C1orf21: variants seen among roughly 807,000 people sequenced by gnomAD.
C1orf21 encodes uncharacterized protein C1orf21.
C1orf21 carries 3 observed loss-of-function variants against 18.7 expected under a neutral mutation model. The ratio of observed to expected loss-of-function variants is 0.16; its 90% CI spans 0.07 to 0.42. The LOEUF is 0.42. C1orf21 is among the 10% of genes least tolerant of loss of function. C1orf21 has a pLI of 0.99. For missense variants in C1orf21, 104 were observed against 143.6 expected, an observed-to-expected ratio of 0.72 and a Z score of 1.41; for synonymous variants, 41 against 46.4, an observed-to-expected ratio of 0.88 and a Z score of 0.47.
intron 1 of C1orf21, among the ~76,000 whole-genome samples, chr1:184,417,860 T>C (rs990491698): frequency 3.3e-5 from 5 of 152,172 alleles, no homozygotes; most frequent in African/African-American, 1.2e-4. Flanking sequence ...ACATAATCAA[T>C]GTGTTGGGAT....
At chr1:184,611,528 G>A (rs1461533426) in intron 5 of C1orf21, among the ~76,000 whole-genome samples, 3 of 152,178 alleles carry the variant, frequency 2.0e-5, no homozygotes, top group East Asian at 1.9e-4. Flanking sequence ...GCTGCAGAAC[G>A]TGGTTATCTG....
intron 3 of C1orf21, among the ~76,000 whole-genome samples, chr1:184,586,772 A>C (rs1359563362): frequency 6.6e-6 from 1 of 152,098 alleles, no homozygotes; most frequent in Non-Finnish European, 1.5e-5. Flanking sequence ...GCTGAGCAGA[A>C]GCTCTTTAGT....
chr1:184,461,553 A>C (rs573509207), intron 1 of C1orf21, among the ~76,000 whole-genome samples: 1 of 152,144 alleles, frequency 6.6e-6, no homozygotes, highest in African/African-American at 2.4e-5. Flanking sequence ...TGGCTGCTGC[A>C]TTTCCTGTCT....
intron 2 of C1orf21, among the ~76,000 whole-genome samples, chr1:184,500,916 A>G (rs1289930161): frequency 6.6e-6 from 1 of 152,016 alleles, no homozygotes; most frequent in Non-Finnish European, 1.5e-5. Flanking sequence ...CCGGCAGCTG[A>G]CCCTTCTTCC....
At chr1:184,607,686 T>A (rs1183797581) in intron 5 of C1orf21, among the ~76,000 whole-genome samples, 1 of 148,854 alleles carries the variant, frequency 6.7e-6, no homozygotes. Flanking sequence ...TATATACATA[T>A]ATGTGTGTGT....
chr1:184,432,147 T>C (rs894505140), intron 1 of C1orf21, among the ~76,000 whole-genome samples: 4 of 152,172 alleles, frequency 2.6e-5, no homozygotes, highest in Non-Finnish European at 4.4e-5. Context: ...AGAAATACCA[T>C]TTGACCCAGC....
intron 1 of C1orf21, among the ~76,000 whole-genome samples, chr1:184,443,836 A>G (rs1441361443): frequency 1.3e-5 from 2 of 152,136 alleles, no homozygotes; most frequent in Non-Finnish European, 2.9e-5. Flanking sequence ...CATATCCTGA[A>G]GTGCACTGGA....
At chr1:184,427,783 G>T (rs982925770) in intron 1 of C1orf21, among the ~76,000 whole-genome samples, 15 of 152,068 alleles carry the variant, frequency 9.9e-5, no homozygotes, top group Middle Eastern at 3.2e-3. Context: ...GCCTTGCTTG[G>T]AAAAATCTGT....
intron 3 of C1orf21, among the ~76,000 whole-genome samples, chr1:184,526,890 G>T (rs187783147): frequency 6.6e-6 from 1 of 152,246 alleles, no homozygotes; most frequent in East Asian, 1.9e-4. Context: ...GGTATTATAA[G>T]TAAAACCCGC....
chr1:184,471,192 A>G (rs1290038914), intron 1 of C1orf21, among the ~76,000 whole-genome samples: 1 of 152,220 alleles, frequency 6.6e-6, no homozygotes, highest in Non-Finnish European at 1.5e-5. Flanking sequence ...CCAGCTCCCT[A>G]TAAGAAATAC....
rs534381168 is a variant in C1orf21, at chr1:184,588,094, G to A, written c.190-2645G>A. On this transcript the variant is annotated intron_variant, in intron 3 of 5. Coordinates refer to ENST00000235307, the MANE Select transcript of C1orf21 (RefSeq NM_030806.4). The stretch of plus-strand genomic sequence containing the variant: ...GCTGATTGAGTTGAAAGCTGAACTA[G>A]GCATTGTTTTTTATAGGACATCTTC... Among the ~76,000 whole-genome samples, 7 of 152,230 alleles carry A rather than the reference G, an allele frequency of 4.6e-5. 2 individuals are homozygous for A. Among genetic ancestry groups the A allele is most frequent in the African/African-American group, 1.4e-4 (6 of 41,536 alleles).
Position 184,607,752 on chromosome 1 carries a change from T to C in C1orf21, c.327+9291T>C, listed in dbSNP as rs576063623. ...ATATACATATATATGTGTGTGTATA[T>C]ATATACATATATAGAGAGAAAGAGT... On this transcript the variant is annotated intron_variant, in intron 5 of 5. Coordinates refer to ENST00000235307, the MANE Select transcript of C1orf21 (RefSeq NM_030806.4). 2.6e-5 allele frequency among the ~76,000 whole-genome samples: 4 copies of C among 150,994 alleles called. No individual in the cohort carries two copies. In the East Asian group the frequency reaches 7.7e-4, roughly 29 times the overall value.
At chr1:184,513,709 T>TA (rs1396110167) in intron 3 of C1orf21, among the ~76,000 whole-genome samples, 36 of 152,390 alleles carry the variant, frequency 2.4e-4, no homozygotes, top group African/African-American at 8.7e-4. Flanking sequence ...AATGCCATTG[T>TA]AATTATGTAA....
chr1:184,397,577 C>T (rs931862607), intron 1 of C1orf21, among the ~76,000 whole-genome samples: 7 of 139,162 alleles, frequency 5.0e-5, no homozygotes, highest in African/African-American at 1.9e-4. Flanking sequence ...CAGAGTGAGA[C>T]TTGGTCTGAA....
chr1:184,451,348 C>T (rs188348586), intron 1 of C1orf21, among the ~76,000 whole-genome samples: 20 of 152,002 alleles, frequency 1.3e-4, no homozygotes, highest in South Asian at 1.0e-3. Flanking sequence ...TGGAGTGCAA[C>T]GGCACGATCA....
intron 1 of C1orf21, among the ~76,000 whole-genome samples, chr1:184,459,802 G>A (rs1008510902): frequency 6.6e-6 from 1 of 152,142 alleles, no homozygotes; most frequent in African/African-American, 2.4e-5. Context: ...GACCACAGAG[G>A]CTTCCTAGAA....
intron 3 of C1orf21, among the ~76,000 whole-genome samples, chr1:184,513,405 T>A (rs190391638): frequency 6.6e-6 from 1 of 152,296 alleles, no homozygotes; most frequent in Non-Finnish European, 1.5e-5. Flanking sequence ...AACATGTGAA[T>A]AATTGAGAAA....
chr1:184,565,722 C>T (rs12062390), intron 3 of C1orf21, among the ~76,000 whole-genome samples: 3,536 of 152,266 alleles, frequency 0.023, 134 homozygotes, highest in African/African-American at 0.079. Flanking sequence ...TGTAAAAGGC[C>T]CTGCATGTGT....
In C1orf21 at chr1:184,617,908, T is replaced by G. The variant is rs892978589; in HGVS notation, c.328-1610T>G. Among the ~76,000 whole-genome samples the G allele has an allele frequency of 1.6e-3, 227 of 141,688 alleles. 1 individual carries two copies. The highest frequency in any genetic ancestry group is 5.8e-3 in the African/African-American group (219 of 37,716). 93.0% of individuals were successfully genotyped at this position (141,688 alleles called of 152,430 possible). Reference sequence around the variant, plus strand: ...GTGTGGCAGTTTGTTGTTGTTGTTTTTTTTTTTTTTTTTTTTTTTGAGATA... The same window carrying G: ...GTGTGGCAGTTTGTTGTTGTTGTTTGTTTTTTTTTTTTTTTTTTTGAGATA... On this transcript the variant is annotated intron_variant, in intron 5 of 5. Transcript: ENST00000235307.
Sources: gnomAD v4.1 joint callset for allele counts (sites outside exome capture counted in the v4.1 genomes callset) on GRCh38, gnomAD v4.1.1 for gene constraint, MANE v1.5 for transcripts, NCBI Gene and HGNC (gene_info 2026-07-23, HGNC 2026-07-21) for gene names.